Variants in CSMD1 observed in about 807,000 individuals in gnomAD.
CSMD1 encodes the protein CUB and Sushi multiple domains 1, also known as CUB and sushi domain-containing protein 1.
A neutral mutation model predicts 417.5 loss-of-function variants in CSMD1; 213 were observed. That is an observed-to-expected ratio of 0.51 (90% CI 0.46 to 0.57). The LOEUF (loss-of-function observed/expected upper bound fraction) is 0.57, where lower values mean the gene tolerates loss of function less well. Among genes scored for constraint, CSMD1 ranks in the 20% least tolerant of loss-of-function variants. The probability of loss-of-function intolerance (pLI) is 0.00; values close to 1 mark genes in which losing one functional copy is unlikely to be tolerated. For missense variants in CSMD1, 6,923 were observed against 4,529.7 expected (o/e 1.53, Z -15.17); for synonymous variants, 2,862 against 1,736.8 (o/e 1.65, Z -16.11).
chr8:2,938,596 T>C lies in CSMD1; in HGVS notation c.10684A>G (p.Thr3562Ala). 1 of 1,611,998 alleles carries C rather than the reference T, an allele frequency of 6.2e-7. No individual in the cohort carries two copies. The highest frequency in any genetic ancestry group is 8.5e-7 in the Non-Finnish European group (1 of 1,179,074). Residue 3562 changes from threonine (T) to alanine (A), a missense_variant, in exon 70 of 70, where the codon ACA becomes GCA. Physicochemically the swap from Thr to Ala is moderately conservative, Grantham distance 58 (BLOSUM62 0). Transcript: ENST00000635120. ...TGGGGCACTGAGGGCTATACCACTG[T>C]ACAGACTGTGTTCAGAGTTGTGTCA... ...RFDTTLNTVC[T>A]VV
At chr8:3,903,252 C>A (rs181720186) in intron 5 of CSMD1, among the ~76,000 whole-genome samples, 1 of 151,958 alleles carries the variant, frequency 6.6e-6, no homozygotes, top group African/African-American at 2.4e-5. Context: ...TCTGCCATGT[C>A]GGGTCAGAAC....
intron 3 of CSMD1, among the ~76,000 whole-genome samples, chr8:4,133,251 A>C (rs1379114622): frequency 6.6e-6 from 1 of 152,140 alleles, no homozygotes; most frequent in Non-Finnish European, 1.5e-5. Context: ...ACATCTAATA[A>C]TATTATTAAG....
intron 3 of CSMD1, among the ~76,000 whole-genome samples, chr8:4,253,769 A>C (rs574615022): frequency 5.5e-4 from 83 of 151,682 alleles, no homozygotes; most frequent in African/African-American, 2.0e-3. Context: ...AAAAAAAAAC[A>C]GCTGATGAAA....
At chr8:3,528,180 G>A (rs1029310858) in intron 10 of CSMD1, among the ~76,000 whole-genome samples, 4 of 152,228 alleles carry the variant, frequency 2.6e-5, no homozygotes, top group Admixed American at 6.5e-5. Flanking sequence ...TCCCCTGGTA[G>A]AATCAAAGTT....
At chr8:4,219,118 C>G (rs754539327) in intron 3 of CSMD1, among the ~76,000 whole-genome samples, 1 of 152,120 alleles carries the variant, frequency 6.6e-6, no homozygotes, top group Non-Finnish European at 1.5e-5. Context: ...ATGATCAGAC[C>G]CAGCCTCCTT....
chr8:3,696,135 T>G (rs981923885), intron 7 of CSMD1, among the ~76,000 whole-genome samples: 3 of 152,240 alleles, frequency 2.0e-5, no homozygotes, highest in Non-Finnish European at 1.5e-5. Context: ...AAGCCATGGT[T>G]TTCCCAGATA....
chr8:3,431,376 C>T (rs184855061), intron 12 of CSMD1, among the ~76,000 whole-genome samples: 6 of 152,276 alleles, frequency 3.9e-5, no homozygotes, highest in Admixed American at 2.0e-4. Context: ...CTCATTTTCC[C>T]ACTAGGCAGT....
At chr8:3,638,263 C>T (rs372783173) in intron 7 of CSMD1, among the ~76,000 whole-genome samples, 1 of 152,078 alleles carries the variant, frequency 6.6e-6, no homozygotes, top group East Asian at 1.9e-4. Flanking sequence ...AAATAAATAA[C>T]ATGTACACCA....
chr8:3,485,013 A>G (rs560860809), intron 11 of CSMD1, among the ~76,000 whole-genome samples: 10 of 152,222 alleles, frequency 6.6e-5, no homozygotes, highest in Non-Finnish European at 1.5e-4. Flanking sequence ...AGTTTCCTAC[A>G]AAACTAAACA....
chr8:4,047,271 G>C (rs890365215), intron 3 of CSMD1, among the ~76,000 whole-genome samples: 9 of 152,140 alleles, frequency 5.9e-5, no homozygotes, highest in African/African-American at 2.2e-4. Flanking sequence ...ATGTATTCTG[G>C]AGTGGGAGGA....
chr8:2,992,945 C>A (rs899435537), intron 54 of CSMD1, among the ~76,000 whole-genome samples: 73 of 151,970 alleles, frequency 4.8e-4, no homozygotes, highest in African/African-American at 1.7e-3. Context: ...GCTGCCCAGG[C>A]TGGTCTCAAA....
At chr8:4,765,840 T>C (rs914173732) in intron 1 of CSMD1, among the ~76,000 whole-genome samples, 1 of 152,152 alleles carries the variant, frequency 6.6e-6, no homozygotes, top group African/African-American at 2.4e-5. Context: ...AGAGAGAGCT[T>C]AGTAACTGGG....
In CSMD1 at chr8:2,951,285, G is replaced by T. The variant is rs190201016; in HGVS notation, c.10040-10C>A. 5.5e-5 allele frequency: 87 copies of T among 1,594,464 alleles called. No individual in the cohort carries two copies. The Admixed American group carries it at 1.0e-3, about 19-fold the overall frequency. ...AAGACATCTGAAGGAACTGTGGGAAGGGGGGAAACAGACCAATGTCAGCAC... is the reference window on the plus strand; with the variant it reads ...AAGACATCTGAAGGAACTGTGGGAATGGGGGAAACAGACCAATGTCAGCAC... On this transcript the variant is annotated splice_polypyrimidine_tract_variant and intron_variant, in intron 65 of 69. Transcript: ENST00000635120.
chr8:4,530,710 G>A (rs1205781951), intron 2 of CSMD1, among the ~76,000 whole-genome samples: 1 of 151,110 alleles, frequency 6.6e-6, no homozygotes, highest in East Asian at 1.9e-4. Flanking sequence ...GTTCCATGGT[G>A]TATATGTGCC....
intron 3 of CSMD1, among the ~76,000 whole-genome samples, chr8:4,327,562 G>A (rs762415014): frequency 2.0e-5 from 3 of 152,072 alleles, no homozygotes; most frequent in African/African-American, 7.2e-5. Flanking sequence ...TTCCTGTGGG[G>A]CGCTCATCAC....
intron 12 of CSMD1, among the ~76,000 whole-genome samples, chr8:3,452,357 A>T (rs906758628): frequency 2.0e-5 from 3 of 152,168 alleles, no homozygotes; most frequent in African/African-American, 7.2e-5. Context: ...CTCTATGTTG[A>T]ATAGCAGTGG....
At chr8:4,113,294 C>T (rs1022461989) in intron 3 of CSMD1, among the ~76,000 whole-genome samples, 1 of 150,148 alleles carries the variant, frequency 6.7e-6, no homozygotes, top group Non-Finnish European at 1.5e-5. Flanking sequence ...AAATGATTAA[C>T]TAAGTGAGAA....
chr8:4,872,383 G>A (rs535010258), intron 1 of CSMD1, among the ~76,000 whole-genome samples: 1 of 152,214 alleles, frequency 6.6e-6, no homozygotes, highest in South Asian at 2.1e-4. Flanking sequence ...AATCATGGGA[G>A]TGGTTTCCCT....
At position 3,110,271 on chromosome 8, in the gene CSMD1, CTCA is replaced by C. The variant is rs1816420427; in HGVS notation, c.6492_6494del (p.Asp2164del). 6.2e-7 allele frequency: 1 copy of C among 1,613,426 alleles called. No individual in the cohort carries two copies. Among genetic ancestry groups the C allele is most frequent in the South Asian group, 1.1e-5 (1 of 90,892 alleles). On this transcript the variant is annotated inframe_deletion, in exon 43 of 70. Transcript: ENST00000635120. Reference sequence around the variant, plus strand: ...AAATGCAGTCCTTCAGGATCGGATACTCATCAGGAAAGCCAGGGGAGTAGATGG... The same window carrying C: ...AAATGCAGTCCTTCAGGATCGGATACTCAGGAAAGCCAGGGGAGTAGATGG...
Sources: gnomAD v4.1 joint callset for allele counts (sites outside exome capture counted in the v4.1 genomes callset) on GRCh38, gnomAD v4.1.1 for gene constraint, MANE v1.5 for transcripts, NCBI Gene and HGNC (gene_info 2026-07-23, HGNC 2026-07-21) for gene names.